Variants in CCSER1 observed in about 807,000 individuals in gnomAD.
CCSER1 encodes coiled-coil serine rich protein 1, also known as serine-rich coiled-coil domain-containing protein 1.
A neutral mutation model predicts 82.0 loss-of-function variants in CCSER1; 41 were observed. The ratio of observed to expected loss-of-function variants is 0.50; its 90% CI spans 0.39 to 0.65. CCSER1 has a LOEUF of 0.65. CCSER1 is among the 30% of genes least tolerant of loss of function. The pLI, the probability that CCSER1 is intolerant of heterozygous loss-of-function variation, is 0.00. For missense variants in CCSER1, 1,119 were observed against 1,064.2 expected (o/e 1.05, Z -0.72); for synonymous variants, 414 against 383.9 (o/e 1.08, Z -0.92).
At chr4:90,236,130 T>C (rs1452827496) in intron 1 of CCSER1, among the ~76,000 whole-genome samples, 1 of 152,100 alleles carries the variant, frequency 6.6e-6, no homozygotes, top group Non-Finnish European at 1.5e-5. Context: ...TTTGTAGAGA[T>C]GTTGCTCACG....
chr4:91,455,596 G>A (rs936532051), intron 10 of CCSER1, among the ~76,000 whole-genome samples: 5 of 151,952 alleles, frequency 3.3e-5, no homozygotes, highest in African/African-American at 9.7e-5. Context: ...ATGAGAAATA[G>A]ATTTCTGTTT....
chr4:90,343,766 A>C (rs1347922002), intron 3 of CCSER1, among the ~76,000 whole-genome samples: 2 of 152,148 alleles, frequency 1.3e-5, no homozygotes, highest in African/African-American at 2.4e-5. Flanking sequence ...TTGTGGGTAC[A>C]TAGTGGTATA....
chr4:91,452,880 A>G (rs1755945983), intron 10 of CCSER1, among the ~76,000 whole-genome samples: 2 of 152,058 alleles, frequency 1.3e-5, no homozygotes, highest in Non-Finnish European at 1.5e-5. Flanking sequence ...GTCCTTAGTT[A>G]TGGAAAATAA....
chr4:90,933,530 C>G (rs1455329140), intron 9 of CCSER1, among the ~76,000 whole-genome samples: 1 of 151,528 alleles, frequency 6.6e-6, no homozygotes, highest in Non-Finnish European at 1.5e-5. Flanking sequence ...TGCTACAGAC[C>G]CTAATTGAGT....
At chr4:90,378,196 G>A (rs775760935) in intron 3 of CCSER1, among the ~76,000 whole-genome samples, 24 of 152,106 alleles carry the variant, frequency 1.6e-4, no homozygotes, top group Non-Finnish European at 7.4e-5. Context: ...TAATCTCAGT[G>A]CTTGTAAATG....
chr4:90,461,053 ATTTTTTTTTTTT>A (rs397880822), intron 4 of CCSER1, among the ~76,000 whole-genome samples: 1 of 49,714 alleles, frequency 2.0e-5, no homozygotes, highest in Non-Finnish European at 3.1e-5. Context: ...TGCCCAGGCT[ATTTTTTTTTTTT>A]TTTTTTTTTT....
At chr4:90,488,110 A>G (rs111312629) in intron 5 of CCSER1, among the ~76,000 whole-genome samples, 3 of 152,338 alleles carry the variant, frequency 2.0e-5, no homozygotes, top group African/African-American at 7.2e-5. Flanking sequence ...TGATTCATCA[A>G]TTGTGAGGAA....
intron 1 of CCSER1, among the ~76,000 whole-genome samples, chr4:90,271,862 A>ATATATATATATATATT (rs1553982816): frequency 4.6e-5 from 1 of 21,750 alleles, no homozygotes; most frequent in African/African-American, 2.6e-4. Flanking sequence ...ATATATATAT[A>ATATATATATATATATT]TTTTTTTTTT....
At chr4:90,395,031 C>G (rs2153541172) in intron 3 of CCSER1, among the ~76,000 whole-genome samples, 1 of 152,336 alleles carries the variant, frequency 6.6e-6, no homozygotes, top group East Asian at 1.9e-4. Context: ...GAACTTACTT[C>G]TCCTAACTGA....
At chr4:90,334,851 T>A (rs960937319) in intron 3 of CCSER1, among the ~76,000 whole-genome samples, 27 of 152,292 alleles carry the variant, frequency 1.8e-4, no homozygotes, top group Middle Eastern at 3.4e-3. Context: ...TACCACAATT[T>A]ATTAGTGACT....
intron 10 of CCSER1, among the ~76,000 whole-genome samples, chr4:91,160,862 C>G (rs1392711273): frequency 6.6e-6 from 1 of 152,068 alleles, no homozygotes; most frequent in Admixed American, 6.5e-5. Context: ...TGCCTATTCA[C>G]TCTGATGGTA....
At chr4:91,427,471 G>A (rs1291049677) in intron 10 of CCSER1, among the ~76,000 whole-genome samples, 1 of 152,034 alleles carries the variant, frequency 6.6e-6, no homozygotes, top group Non-Finnish European at 1.5e-5. Context: ...TTTTCTATCT[G>A]TAAACAATCC....
chr4:90,630,778 A>G (rs2148928354), intron 6 of CCSER1, among the ~76,000 whole-genome samples: 1 of 151,636 alleles, frequency 6.6e-6, no homozygotes, highest in South Asian at 2.1e-4. Flanking sequence ...ATCAATATTC[A>G]TTTAGATTAA....
At chr4:90,766,792 A>G (rs541274952) in intron 7 of CCSER1, among the ~76,000 whole-genome samples, 5 of 152,242 alleles carry the variant, frequency 3.3e-5, no homozygotes, top group Non-Finnish European at 7.4e-5. Context: ...GCAATAACTC[A>G]TACATATTTT....
chr4:90,740,039 C>G (rs1746290484), intron 7 of CCSER1, among the ~76,000 whole-genome samples: 1 of 152,110 alleles, frequency 6.6e-6, no homozygotes, highest in Non-Finnish European at 1.5e-5. Flanking sequence ...TTCTATTCAG[C>G]CATATTGCTC....
intron 5 of CCSER1, among the ~76,000 whole-genome samples, chr4:90,534,376 G>A (rs1305949335): frequency 1.3e-5 from 2 of 151,832 alleles, no homozygotes; most frequent in African/African-American, 2.4e-5. Flanking sequence ...TGATCCGCCC[G>A]CCTCGGCCTC....
chr4:91,478,684 G>T (rs1757725316), intron 10 of CCSER1, among the ~76,000 whole-genome samples: 1 of 151,808 alleles, frequency 6.6e-6, no homozygotes, highest in South Asian at 2.1e-4. Flanking sequence ...GTTCGAAATG[G>T]TATAACTATG....
At chr4:91,456,294 G>T (rs987322054) in intron 10 of CCSER1, among the ~76,000 whole-genome samples, 2 of 152,016 alleles carry the variant, frequency 1.3e-5, no homozygotes, top group South Asian at 2.1e-4. Flanking sequence ...CCTCCCAAAG[G>T]TCTCATTTCC....
rs557808188 is a variant in CCSER1 at position 90,878,074 on chromosome 4, T to C, written c.2095-45296T>C. Among the ~76,000 whole-genome samples, 5 of 152,268 alleles carry C rather than the reference T, an allele frequency of 3.3e-5. No individual in the cohort carries two copies. The South Asian group carries it at 1.0e-3, about 32-fold the overall frequency. On this transcript the variant is annotated intron_variant, in intron 8 of 10. Transcript: ENST00000509176. ...CCTTCCATTCTCCCTTTTGCTATCA[T>C]CCTAGAAAATCACAGTGATCCATTG... is the stretch of plus-strand genomic sequence containing the variant.
Sources: allele counts gnomAD v4.1 joint callset (sites outside exome capture counted in the v4.1 genomes callset), GRCh38; gene constraint gnomAD v4.1.1; transcripts MANE v1.5; gene names NCBI Gene and HGNC (gene_info 2026-07-23, HGNC 2026-07-21).